The following HERC1 variants were observed in gnomAD, a reference collection of about 807,000 sequenced individuals.
The protein encoded by HERC1 is probable E3 ubiquitin-protein ligase HERC1.
Under a neutral mutation model 554.3 loss-of-function variants are expected in HERC1, and 160 were observed. The observed-to-expected ratio is 0.29, with a 90% CI of 0.25 to 0.33. HERC1 has a LOEUF of 0.33. Ranked by LOEUF, HERC1 falls within the 10% of genes least tolerant of loss-of-function variation. The pLI, the probability that HERC1 is intolerant of heterozygous loss-of-function variation, is 1.00. For synonymous variants in HERC1, 2,175 were observed against 2,131.7 expected (o/e 1.02, Z -0.56); for missense variants, 4,919 against 5,918.5 (o/e 0.83, Z 5.54).
At chr15:63,643,180 C>A in intron 58 of HERC1, 122 bp from the exon 59 acceptor site, 1 of 845,164 alleles carries the variant, frequency 1.2e-6, no homozygotes. Context: ...AATTCAGCAA[C>A]GTCCAATCAC....
At chr15:63,798,597 G>A (rs2076882915) in intron 1 of HERC1, among the ~76,000 whole-genome samples, 1 of 150,426 alleles carries the variant, frequency 6.6e-6, no homozygotes, top group African/African-American at 2.4e-5. Context: ...GAAAACTAGT[G>A]CTTTCTAATT....
Position 63,651,309 on chromosome 15 carries a change from C to T in HERC1, c.10490G>A (p.Ser3497Asn). The T allele has an allele frequency of 1.2e-6, 2 of 1,613,900 alleles. No individual in the cohort carries two copies. The highest frequency in any genetic ancestry group is 1.7e-6 in the Non-Finnish European group (2 of 1,179,790). ...PSFSPVSWSISGKYLAGALEK... is the reference protein window; with the variant it reads ...PSFSPVSWSINGKYLAGALEK... ...CAAAGCGCCTGCTAGATATTTGCCA[C>T]TGATACTCCAGGAAACTGGTGAGAA... Residue 3497 changes from serine (S) to asparagine (N), a missense_variant, in exon 53 of 78, where the codon AGT becomes AAT. Around this residue, in one of 11 missense-constraint regions of HERC1, gnomAD observed 1,963 missense variants for 2,228.6 expected, o/e 0.88. Transcript: ENST00000443617.
chr15:63,766,254 GTTATA>G (rs1567103586), intron 2 of HERC1, among the ~76,000 whole-genome samples: 5 of 150,012 alleles, frequency 3.3e-5, no homozygotes, highest in African/African-American at 9.7e-5. Context: ...ATTTATTTAT[GTTATA>G]TTATATATTA....
intron 59 of HERC1, among the ~76,000 whole-genome samples, chr15:63,641,946 T>C (rs1595878154): frequency 6.6e-6 from 1 of 152,276 alleles, no homozygotes; most frequent in East Asian, 1.9e-4. Context: ...GCATCTACTA[T>C]ATTTCAAAAG....
At chr15:63,687,518 A>T (rs1363375136) in intron 33 of HERC1, among the ~76,000 whole-genome samples, 1 of 151,816 alleles carries the variant, frequency 6.6e-6, no homozygotes, top group Non-Finnish European at 1.5e-5. Flanking sequence ...AGCCTGGGTG[A>T]CAGAGCGAGA....
chr15:63,789,300 C>T (rs975268351), intron 1 of HERC1, among the ~76,000 whole-genome samples: 20 of 149,652 alleles, frequency 1.3e-4, no homozygotes, highest in African/African-American at 3.9e-4. Flanking sequence ...CCGTTTTAGC[C>T]GGGATGGTCT....
At chr15:63,696,046 A>T in intron 27 of HERC1, 78 bp downstream of exon 27, 1 of 1,062,474 alleles carries the variant, frequency 9.4e-7, no homozygotes, top group Non-Finnish European at 1.4e-6. Context: ...AATCATAAAC[A>T]CCAAAAAGTT....
intron 1 of HERC1, among the ~76,000 whole-genome samples, chr15:63,813,779 G>C (rs1314713555): frequency 6.6e-6 from 1 of 152,136 alleles, no homozygotes; most frequent in Non-Finnish European, 1.5e-5. Flanking sequence ...CAAGAATACA[G>C]CATTTTGTCC....
In HERC1 at chr15:63,612,922, C is replaced by T. The variant is rs1326836733; in HGVS notation, c.14095-366G>A. 1.3e-5 allele frequency among the ~76,000 whole-genome samples: 2 copies of T among 152,198 alleles called. No individual in the cohort carries two copies. The highest frequency in any genetic ancestry group is 2.9e-5 in the Non-Finnish European group (2 of 68,040). On this transcript the variant is annotated intron_variant, in intron 76 of 77. Transcript: ENST00000443617. This position sits in a 1 kb window ranked among gnomAD's most constrained non-coding sequence, Gnocchi z 5.0. The stretch of plus-strand genomic sequence containing the variant: ...TGCTGTCAAACTATGCATGTGTGGA[C>T]ACTTCATCTCATAAAGGTAAGAAGC...
intron 1 of HERC1, among the ~76,000 whole-genome samples, chr15:63,822,049 T>G (rs2077719010): frequency 6.6e-6 from 1 of 151,726 alleles, no homozygotes; most frequent in Admixed American, 6.6e-5. Context: ...AGGGGTGAAG[T>G]CTGAGGCACT....
intron 1 of HERC1, chr15:63,779,434 G>A (rs928412300): frequency 6.6e-6 from 1 of 152,156 alleles, no homozygotes; most frequent in African/African-American, 2.4e-5. Flanking sequence ...CACAGCCACA[G>A]CTTTTATAAA....
intron 1 of HERC1, among the ~76,000 whole-genome samples, chr15:63,814,843 T>A (rs753578517): frequency 2.0e-5 from 3 of 152,242 alleles, no homozygotes; most frequent in Non-Finnish European, 2.9e-5. Flanking sequence ...AACCTACCTG[T>A]CTACGTCTCA....
In HERC1 at chr15:63,623,850, G is replaced by T. The variant is rs780234369; in HGVS notation, c.13486C>A (p.Gln4496Lys). Residue 4496 changes from glutamine to lysine, a missense_variant, in exon 73 of 78, where the codon CAA becomes AAA. Around this residue, in one of 11 missense-constraint regions of HERC1, gnomAD observed 410 missense variants for 467.0 expected, o/e 0.88. Coordinates refer to ENST00000443617, the MANE Select transcript of HERC1 (RefSeq NM_003922.4). ...TCTGAAGCATTCAGCTTAACTACTT[G>T]TCTCGCTATTTGGACAAAAATAGGC... ...CKPIFVQIAR[Q>K]VVKLNASDLR... 3.7e-6 allele frequency: 6 copies of T among 1,613,974 alleles called. No individual in the cohort carries two copies. Among genetic ancestry groups the T allele is most frequent in the Non-Finnish European group, 5.1e-6 (6 of 1,179,884 alleles).
chr15:63,674,895 T>C lies in HERC1; in HGVS notation c.7293A>G (p.Lys2431=). 1 of 1,614,014 alleles carries C rather than the reference T, an allele frequency of 6.2e-7. No homozygotes were observed. The highest frequency in any genetic ancestry group is 8.5e-7 in the Non-Finnish European group (1 of 1,179,878). Reference sequence around the variant, plus strand: ...TATCTAAAGCGGATTCACTCTCAGGTTTCTGCTCAACATCCCCTTTCTCCT... The same window carrying C: ...TATCTAAAGCGGATTCACTCTCAGGCTTCTGCTCAACATCCCCTTTCTCCT... ...ESEEKGDVEQ[K]PESESALDMR... The change falls in exon 38 of 78, where the codon AAA becomes AAG. Residue 2431 remains lysine, a synonymous_variant. Transcript: ENST00000443617.
chr15:63,724,556 A>T (rs771843980), intron 18 of HERC1, among the ~76,000 whole-genome samples: 3 of 152,120 alleles, frequency 2.0e-5, no homozygotes, highest in Non-Finnish European at 4.4e-5. Flanking sequence ...AGTCTCTCTT[A>T]GACTTTCCTT....
At chr15:63,668,965 A>C (rs1012837234) in intron 40 of HERC1, among the ~76,000 whole-genome samples, 3 of 152,162 alleles carry the variant, frequency 2.0e-5, no homozygotes, top group Admixed American at 2.0e-4. Flanking sequence ...AGCACAATAC[A>C]CGTATTTTCC....
intron 17 of HERC1, 129 bp from the exon 18 acceptor site, chr15:63,725,642 A>G (rs760053774): frequency 7.4e-6 from 5 of 673,110 alleles, no homozygotes; most frequent in Non-Finnish European, 1.3e-5. Context: ...AACACAAATT[A>G]TAATACTTTC....
rs2067472800 is a variant in HERC1, at chr15:63,608,784, C to A, written c.*297G>T. 1 of 242,370 alleles carries A rather than the reference C, an allele frequency of 4.1e-6. No homozygotes were observed. Among genetic ancestry groups the A allele is most frequent in the Non-Finnish European group, 8.0e-6 (1 of 125,178 alleles). The allele number at this position is 242,370 out of a possible 1,614,324, so 15.0% of individuals were successfully genotyped here. On this transcript the variant is annotated 3_prime_UTR_variant, in exon 78 of 78. Coordinates refer to ENST00000443617, the MANE Select transcript of HERC1 (RefSeq NM_003922.4). ...CACTGGGTGGATTTACAAAAATGTA[C>A]CATTCCCAACTAAAAATGCACCAAA...
chr15:63,698,733 C>A lies in HERC1; in HGVS notation c.4900G>T (p.Ala1634Ser). 1 of 1,613,056 alleles carries A rather than the reference C, an allele frequency of 6.2e-7. No individual in the cohort carries two copies. Residue 1634 changes from alanine (A) to serine (S), a missense_variant, in exon 26 of 78, where the codon GCA (alanine) becomes TCA (serine). Ala to Ser is a moderately conservative substitution (Grantham distance 99). This residue lies in a region of HERC1 where 1,121 missense variants were observed against 1,244.0 expected (regional missense o/e 0.90). Transcript: ENST00000443617. ...AGTAAATATCAAAGACTTACTTCTG[C>A]CCTTAACTGCTGCTGTTCCATTGCA... ...IIAMEQQQLR[A>S]ELRLEALHQI...
Sources: allele counts gnomAD v4.1 joint callset (sites outside exome capture counted in the v4.1 genomes callset), GRCh38; gene constraint gnomAD v4.1.1; regional missense constraint gnomAD v4.1.1; non-coding constraint Gnocchi (gnomAD v3.1); transcripts MANE v1.5; gene names NCBI Gene and HGNC (gene_info 2026-07-23, HGNC 2026-07-21).